Variants in GRM8 observed in about 807,000 individuals in gnomAD.
GRM8 encodes the protein metabotropic glutamate receptor 8.
In GRM8, 47 loss-of-function variants were observed where a neutral mutation model predicts 87.2. That is an observed-to-expected ratio of 0.54 (90% confidence interval 0.43 to 0.69). GRM8 has a LOEUF of 0.69. GRM8 is among the 30% of genes least tolerant of loss of function. The probability of loss-of-function intolerance (pLI) is 0.00; values close to 1 mark genes in which losing one functional copy is unlikely to be tolerated. For missense variants in GRM8, 1,019 were observed against 1,139.2 expected, an observed-to-expected ratio of 0.89 and a Z score of 1.52; for synonymous variants, 396 against 404.5, an observed-to-expected ratio of 0.98 and a Z score of 0.25.
At chr7:126,835,075 C>CAAAAAA (rs1330849500) in intron 6 of GRM8, among the ~76,000 whole-genome samples, 1 of 84,466 alleles carries the variant, frequency 1.2e-5, no homozygotes, top group Non-Finnish European at 2.6e-5. Context: ...AACTCTATCT[C>CAAAAAA]AAAAAAAAAA....
chr7:127,118,429 A>G (rs537144482), intron 2 of GRM8, among the ~76,000 whole-genome samples: 1 of 152,336 alleles, frequency 6.6e-6, no homozygotes, highest in Admixed American at 6.5e-5. Context: ...AAACAAATTG[A>G]TTAGCCCTTT....
At chr7:126,888,870 T>C (rs983798606) in intron 6 of GRM8, among the ~76,000 whole-genome samples, 1 of 152,088 alleles carries the variant, frequency 6.6e-6, no homozygotes, top group Admixed American at 6.6e-5. Context: ...TTTTCCCAAA[T>C]GAAAATCTAC....
intron 7 of GRM8, among the ~76,000 whole-genome samples, chr7:126,616,471 G>A (rs1385715861): frequency 6.6e-6 from 1 of 152,022 alleles, no homozygotes; most frequent in Non-Finnish European, 1.5e-5. Context: ...AAGAACTAGA[G>A]AAGCAAGAGC....
At chr7:126,613,168 T>C (rs753288430) in intron 7 of GRM8, among the ~76,000 whole-genome samples, 11 of 152,162 alleles carry the variant, frequency 7.2e-5, no homozygotes, top group Non-Finnish European at 1.3e-4. Context: ...CATCGTTGAG[T>C]AGCCATAAGG....
At chr7:127,153,931 A>G (rs1792561349) in intron 2 of GRM8, among the ~76,000 whole-genome samples, 1 of 152,150 alleles carries the variant, frequency 6.6e-6, no homozygotes, top group African/African-American at 2.4e-5. Flanking sequence ...AAGGTAGGTC[A>G]CTGGTACACA....
chr7:127,030,021 G>T (rs1052622674), intron 3 of GRM8, among the ~76,000 whole-genome samples: 1 of 152,042 alleles, frequency 6.6e-6, no homozygotes, highest in Non-Finnish European at 1.5e-5. Flanking sequence ...AAGGTTTTAT[G>T]CTGAGTCAGT....
At chr7:127,122,330 C>A (rs1827133875) in intron 2 of GRM8, among the ~76,000 whole-genome samples, 1 of 152,102 alleles carries the variant, frequency 6.6e-6, no homozygotes, top group Non-Finnish European at 1.5e-5. Context: ...GTAGCTGAAT[C>A]CTTTTGCATA....
intron 6 of GRM8, among the ~76,000 whole-genome samples, chr7:126,839,929 T>C (rs1369872889): frequency 1.3e-5 from 2 of 152,190 alleles, no homozygotes; most frequent in African/African-American, 2.4e-5. Context: ...TTCTTCAAGT[T>C]CTTACATCAA....
intron 6 of GRM8, among the ~76,000 whole-genome samples, chr7:126,832,222 C>T (rs898706300): frequency 1.4e-5 from 2 of 147,582 alleles, no homozygotes; most frequent in East Asian, 2.0e-4. Flanking sequence ...GAAAGAAGTG[C>T]CATAGTGGAC....
intron 3 of GRM8, among the ~76,000 whole-genome samples, chr7:126,926,316 G>A (rs1805113914): frequency 2.0e-5 from 3 of 152,058 alleles, no homozygotes; most frequent in Non-Finnish European, 4.4e-5. Context: ...TATCTTTGAT[G>A]GAGACCTGAT....
At chr7:126,694,359 A>G (rs1013855584) in intron 7 of GRM8, among the ~76,000 whole-genome samples, 2 of 152,178 alleles carry the variant, frequency 1.3e-5, no homozygotes, top group Admixed American at 1.3e-4. Flanking sequence ...AAAAACATTG[A>G]ACCTATCATG....
At chr7:127,182,671 GTGTGTGTGTGTA>G (rs1563563668) in intron 2 of GRM8, among the ~76,000 whole-genome samples, 1 of 98,046 alleles carries the variant, frequency 1.0e-5, no homozygotes, top group Non-Finnish European at 2.2e-5. Flanking sequence ...GTGTGTGTGT[GTGTGTGTGTGTA>G]TAGACAGATA....
intron 9 of GRM8, among the ~76,000 whole-genome samples, chr7:126,516,034 A>C (rs1336448295): frequency 6.6e-6 from 1 of 152,016 alleles, no homozygotes; most frequent in Non-Finnish European, 1.5e-5. Flanking sequence ...TGTATGATTA[A>C]TGTTTTTATG....
intron 6 of GRM8, among the ~76,000 whole-genome samples, chr7:126,893,742 G>A (rs1291074405): frequency 1.3e-5 from 2 of 151,878 alleles, no homozygotes; most frequent in Admixed American, 6.6e-5. Context: ...TTTAACAAAT[G>A]TCATAAGTAA....
intron 3 of GRM8, 124 bp downstream of exon 3, chr7:127,106,372 C>T (rs2133077858): frequency 2.8e-6 from 2 of 717,442 alleles, no homozygotes; most frequent in East Asian, 5.4e-5. Context: ...CTAGAGTGGA[C>T]AGCCTAGTTC....
chr7:126,677,683 T>C (rs1045441856), intron 7 of GRM8, among the ~76,000 whole-genome samples: 1 of 152,030 alleles, frequency 6.6e-6, no homozygotes, highest in Non-Finnish European at 1.5e-5. Context: ...ATAATAGACA[T>C]TGGAGGCTCA....
intron 9 of GRM8, among the ~76,000 whole-genome samples, chr7:126,515,408 C>T (rs991918412): frequency 1.3e-5 from 2 of 151,916 alleles, no homozygotes; most frequent in Admixed American, 6.6e-5. Context: ...GAAAATTATA[C>T]AAAAAGTCAT....
At chr7:126,920,199 AG>A (rs1440889339) in intron 3 of GRM8, among the ~76,000 whole-genome samples, 1 of 152,182 alleles carries the variant, frequency 6.6e-6, no homozygotes, top group Non-Finnish European at 1.5e-5. Flanking sequence ...CAAGCCAGGA[AG>A]ACAGCCCTCA....
intron 7 of GRM8, among the ~76,000 whole-genome samples, chr7:126,745,597 GT>G (rs11296015): frequency 0.017 from 2,521 of 151,404 alleles, 67 homozygotes; most frequent in African/African-American, 0.057. Flanking sequence ...TTGCTTTTGG[GT>G]TTTTTTCCCC....
Sources: gnomAD v4.1 joint callset for allele counts (sites outside exome capture counted in the v4.1 genomes callset) on GRCh38, gnomAD v4.1.1 for gene constraint, MANE v1.5 for transcripts, NCBI Gene and HGNC (gene_info 2026-07-23, HGNC 2026-07-21) for gene names.